The following KIAA1191 variants were observed in gnomAD, a reference collection of about 807,000 sequenced individuals.
The protein encoded by KIAA1191 is KIAA1191.
KIAA1191 carries 22 observed loss-of-function variants against 31.1 expected under a neutral mutation model. The ratio of observed to expected loss-of-function variants is 0.71; its 90% CI spans 0.51 to 1.01. The LOEUF (loss-of-function observed/expected upper bound fraction) is 1.01. KIAA1191 is among the 50% of genes least tolerant of loss of function. KIAA1191 has a pLI of 0.00. For synonymous variants in KIAA1191, 130 were observed against 143.9 expected (o/e 0.90, Z 0.69); for missense variants, 319 against 388.0 (o/e 0.82, Z 1.49).
chr5:176,360,874 G>C (rs1273136101), intron 1 of KIAA1191, among the ~76,000 whole-genome samples: 1 of 152,054 alleles, frequency 6.6e-6, no homozygotes, highest in Non-Finnish European at 1.5e-5. Context: ...AATCAGAGGA[G>C]TTAAGTAAAT....
chr5:176,359,210 T>C (rs1366121949), intron 3 of KIAA1191, among the ~76,000 whole-genome samples: 1 of 151,002 alleles, frequency 6.6e-6, no homozygotes, highest in East Asian at 2.0e-4. Context: ...TCCCAGCTAC[T>C]GGGGAGGCTG....
intron 5 of KIAA1191, among the ~76,000 whole-genome samples, chr5:176,351,340 CAAA>C (rs955175769): frequency 3.7e-5 from 4 of 107,340 alleles, no homozygotes; most frequent in South Asian, 2.8e-4. Flanking sequence ...GACTCCATCT[CAAA>C]AAAAAAAAAA....
At chr5:176,350,777 TC>T in intron 5 of KIAA1191, 40 bp from the exon 6 acceptor site, 1 of 1,609,186 alleles carries the variant, frequency 6.2e-7, no homozygotes, top group South Asian at 1.1e-5. Flanking sequence ...CATTCCCCTC[TC>T]CCATCACAAA....
At chr5:176,348,161 T>C (rs1766683844) in intron 7 of KIAA1191, 89 bp downstream of exon 7, 2 of 1,594,140 alleles carry the variant, frequency 1.3e-6, no homozygotes, top group Admixed American at 3.4e-5. Context: ...CTTCTCCCTC[T>C]GAAACCACAG....
chr5:176,349,452 G>A (rs1459586951), intron 6 of KIAA1191, among the ~76,000 whole-genome samples: 1 of 152,230 alleles, frequency 6.6e-6, no homozygotes, highest in African/African-American at 2.4e-5. Flanking sequence ...GGCCAAGGCA[G>A]GTGGATCACA....
rs373983445 is a variant in KIAA1191, at chr5:176,351,118, G to A, written c.335-381C>T. On this transcript the variant is annotated intron_variant, in intron 5 of 8. Coordinates refer to ENST00000298569, the MANE Select transcript of KIAA1191 (RefSeq NM_020444.5). ...AGCACTTTGGGAGGTCAAGGCGGGC[G>A]GATCAAGAGGTCAGGACATCCAGAC... is the stretch of plus-strand genomic sequence containing the variant. Among the ~76,000 whole-genome samples, 16 of 151,530 alleles carry A rather than the reference G, an allele frequency of 1.1e-4. 1 individual carries two copies. In the East Asian group the frequency reaches 1.6e-3, roughly 15 times the overall value.
At position 176,348,052 on chromosome 5, in the gene KIAA1191, G is replaced by A. The variant is rs1212543062; in HGVS notation, c.578C>T (p.Thr193Ile). The A allele has an allele frequency of 1.9e-6, 3 of 1,613,748 alleles. No individual in the cohort carries two copies. Among genetic ancestry groups the A allele is most frequent in the Non-Finnish European group, 2.5e-6 (3 of 1,179,894 alleles). Reference sequence around the variant, plus strand: ...AGGTAAGGCTGTGGAAGAACCAGAAGTGAACCAGCCCCTGGGAAAGAAAGA... The same window carrying A: ...AGGTAAGGCTGTGGAAGAACCAGAAATGAACCAGCCCCTGGGAAAGAAAGA... The part of the protein sequence containing the change: ...SPKQRPRGWF[T>I]SGSSTALPGP... The change falls in exon 8 of 9, where the codon ACT (threonine) becomes ATT (isoleucine). Residue 193 changes from threonine (T) to isoleucine (I), a missense_variant. Thr to Ile is a moderately conservative substitution (Grantham distance 89). Coordinates refer to ENST00000298569, the MANE Select transcript of KIAA1191 (RefSeq NM_020444.5).
At chr5:176,350,226 C>T (rs190235872) in intron 6 of KIAA1191, among the ~76,000 whole-genome samples, 8 of 152,270 alleles carry the variant, frequency 5.3e-5, no homozygotes, top group Admixed American at 3.9e-4. Flanking sequence ...CTAAATTAAC[C>T]CTTACCAAAA....
rs144539256 is a variant in KIAA1191, at chr5:176,347,796, G to A, written c.722C>T (p.Thr241Ile). The change falls in exon 9 of 9, where the codon ACC becomes ATC. Residue 241 changes from threonine to isoleucine, a missense_variant. Physicochemically the swap from Thr to Ile is moderately conservative, Grantham distance 89 (BLOSUM62 -1). Coordinates refer to ENST00000298569, the MANE Select transcript of KIAA1191 (RefSeq NM_020444.5). ...CTTCTGGGCTCCTCGGTAGGCCTGG[G>A]TGGCAAAACTTCCTACAAAAGTGAA... ...LQKYDSGSFA[T>I]QAYRGAQKPS... 2 of 1,601,588 alleles carry A rather than the reference G, an allele frequency of 1.2e-6. No individual in the cohort carries two copies. The highest frequency in any genetic ancestry group is 2.2e-5 in the East Asian group (1 of 44,740).
In KIAA1191 at chr5:176,355,796, C is replaced by T; in HGVS notation, c.29-47G>A. 1 of 1,559,254 alleles carries T rather than the reference C, an allele frequency of 6.4e-7. No individual in the cohort carries two copies. The highest frequency in any genetic ancestry group is 8.8e-7 in the Non-Finnish European group (1 of 1,130,684). ...AAGACAGGTTCAGCAACTGGACATACTAGCAGCTTTAAATTAATCTACAGG... is the reference window on the plus strand; with the variant it reads ...AAGACAGGTTCAGCAACTGGACATATTAGCAGCTTTAAATTAATCTACAGG... On this transcript the variant is annotated intron_variant, in intron 3 of 8. Transcript: ENST00000298569. This position sits in a 1 kb window ranked among gnomAD's most constrained non-coding sequence, Gnocchi z 4.2.
intron 3 of KIAA1191, among the ~76,000 whole-genome samples, chr5:176,358,263 A>G (rs531532235): frequency 2.6e-5 from 4 of 152,342 alleles, no homozygotes; most frequent in African/African-American, 7.2e-5. Flanking sequence ...GAGTTTAATC[A>G]CTTTGGTACA....
At chr5:176,354,252 A>G (rs1767299805) in intron 4 of KIAA1191, 1 of 152,254 alleles carries the variant, frequency 6.6e-6, no homozygotes, top group South Asian at 2.1e-4. Flanking sequence ...GCTCAGGGTA[A>G]AGTTGTGTGC....
chr5:176,351,485 C>T (rs1337554678), intron 5 of KIAA1191, among the ~76,000 whole-genome samples: 3 of 149,804 alleles, frequency 2.0e-5, no homozygotes, highest in East Asian at 2.0e-4. Context: ...ATAGGTGGTG[C>T]GTGATGGCTC....
rs749115800 is a variant in KIAA1191 at position 176,355,720 on chromosome 5, TC to T, written c.57del (p.Met20CysfsTer24). On this transcript the variant is annotated frameshift_variant, in exon 4 of 9. Transcript: ENST00000298569. LOFTEE classifies it high-confidence loss of function. This position sits in a 1 kb window ranked among gnomAD's most constrained non-coding sequence, Gnocchi z 4.2. ...CGGTATATCCCGATGGGCAGGGACA[TC>T]TTGCCTAGAGGCGCACTAGCCTCAA... ...PALEASAPLGKMSLPIGIYRR... is the reference protein window; with the variant it reads ...PALEASAPLGXMSLPIGIYRR... 4 of 1,614,010 alleles carry T rather than the reference TC, an allele frequency of 2.5e-6. No individual in the cohort carries two copies. In the South Asian group the frequency reaches 4.4e-5, roughly 18 times the overall value.
intron 7 of KIAA1191, 61 bp downstream of exon 7, chr5:176,348,189 T>C: frequency 6.3e-7 from 1 of 1,597,274 alleles, no homozygotes. Flanking sequence ...TACAACCTCA[T>C]CTGCCACACT....
chr5:176,352,154 T>G (rs1161356534), intron 5 of KIAA1191, among the ~76,000 whole-genome samples: 1 of 115,892 alleles, frequency 8.6e-6, no homozygotes, highest in East Asian at 2.3e-4. Flanking sequence ...TTGAGCTGTT[T>G]AAAAAAAAAA....
intron 5 of KIAA1191, 120 bp from the exon 6 acceptor site, chr5:176,350,857 A>C: frequency 8.0e-7 from 1 of 1,246,300 alleles, no homozygotes; most frequent in African/African-American, 1.5e-5. Context: ...CATTCAAAGA[A>C]GAGGAGACTT....
chr5:176,351,273 G>A (rs997566856), intron 5 of KIAA1191, among the ~76,000 whole-genome samples: 2 of 151,512 alleles, frequency 1.3e-5, no homozygotes, highest in African/African-American at 4.8e-5. Flanking sequence ...CCCGGGAGGC[G>A]GAGCTTGCAG....
Position 176,346,444 on chromosome 5 carries a change from T to G in KIAA1191, c.*1156A>C, listed in dbSNP as rs1399743140. On this transcript the variant is annotated 3_prime_UTR_variant, in exon 9 of 9. Transcript: ENST00000298569. ...GGAAATCAAAGTAAGTTAACACCACTGGCTTCACATGAACCTCAAGACTAT... is the reference window on the plus strand; with the variant it reads ...GGAAATCAAAGTAAGTTAACACCACGGGCTTCACATGAACCTCAAGACTAT... 6.6e-6 allele frequency: 1 copy of G among 152,258 alleles called. No individual in the cohort carries two copies. Among genetic ancestry groups the G allele is most frequent in the Admixed American group, 6.5e-5 (1 of 15,290 alleles). The allele number at this position is 152,258 out of a possible 1,614,324, so 9.4% of individuals were successfully genotyped here.
Sources: gnomAD v4.1 joint callset for allele counts (sites outside exome capture counted in the v4.1 genomes callset) on GRCh38, gnomAD v4.1.1 for gene constraint, Gnocchi (gnomAD v3.1) non-coding constraint, MANE v1.5 for transcripts, NCBI Gene and HGNC (gene_info 2026-07-23, HGNC 2026-07-21) for gene names.